The following NETO1 variants were observed in gnomAD, a reference collection of about 807,000 sequenced individuals.
NETO1 encodes the protein neuropilin and tolloid like 1, also known as neuropilin and tolloid-like protein 1.
A neutral mutation model predicts 61.3 loss-of-function variants in NETO1; 26 were observed. That is an observed-to-expected ratio of 0.42 (90% CI 0.31 to 0.59). The LOEUF is 0.59. Ranked by LOEUF, NETO1 falls within the 20% of genes least tolerant of loss-of-function variation. The pLI, the probability that NETO1 is intolerant of heterozygous loss-of-function variation, is 0.12. For synonymous variants in NETO1, 225 were observed against 225.8 expected (o/e 1.00, Z 0.03); for missense variants, 531 against 662.8 (o/e 0.80, Z 2.18).
intron 4 of NETO1, among the ~76,000 whole-genome samples, chr18:72,806,525 G>A (rs939658857): frequency 6.6e-6 from 1 of 151,950 alleles, no homozygotes; most frequent in Non-Finnish European, 1.5e-5. Context: ...TCTCTAAATC[G>A]AATTCTCTAC....
chr18:72,832,080 T>C (rs1356951223), intron 4 of NETO1, among the ~76,000 whole-genome samples: 1 of 152,212 alleles, frequency 6.6e-6, no homozygotes, highest in Non-Finnish European at 1.5e-5. Flanking sequence ...GTGTCTGATT[T>C]TCAATTATTT....
At chr18:72,847,367 A>G (rs2074120140) in intron 4 of NETO1, among the ~76,000 whole-genome samples, 1 of 152,234 alleles carries the variant, frequency 6.6e-6, no homozygotes, top group African/African-American at 2.4e-5. Flanking sequence ...CTGAATTTCA[A>G]GCAAGTCAGC....
intron 4 of NETO1, among the ~76,000 whole-genome samples, chr18:72,855,087 A>C (rs1257193482): frequency 1.3e-5 from 2 of 152,194 alleles, no homozygotes; most frequent in African/African-American, 4.8e-5. Context: ...TATGTCTTCT[A>C]TTTTTTATTA....
intron 4 of NETO1, among the ~76,000 whole-genome samples, chr18:72,824,307 T>C (rs942455017): frequency 6.6e-6 from 1 of 152,232 alleles, no homozygotes; most frequent in Non-Finnish European, 1.5e-5. Flanking sequence ...ACTTCATTTC[T>C]AGTCTCCTTT....
At chr18:72,767,868 T>C (rs915766682) in intron 7 of NETO1, among the ~76,000 whole-genome samples, 3 of 152,206 alleles carry the variant, frequency 2.0e-5, no homozygotes, top group South Asian at 2.1e-4. Flanking sequence ...AAGTGTTAAC[T>C]ACCCAAGTTT....
chr18:72,783,914 A>G lies in NETO1; in HGVS notation c.640-8T>C, dbSNP rs375706578. 1.2e-5 allele frequency: 19 copies of G among 1,587,238 alleles called. No individual in the cohort carries two copies. In the East Asian group the frequency reaches 2.7e-4, roughly 22 times the overall value. ...CAAGAATCGTAAGTAAATCTATAAA[A>G]CAAAAATAAAATAATTTCCACATAT... On this transcript the variant is annotated splice_polypyrimidine_tract_variant and splice_region_variant and intron_variant, in intron 6 of 10. Transcript: ENST00000327305.
intron 7 of NETO1, among the ~76,000 whole-genome samples, chr18:72,780,854 A>G (rs1327920829): frequency 2.6e-5 from 4 of 152,180 alleles, no homozygotes; most frequent in South Asian, 2.1e-4. Flanking sequence ...AGCCTCTTCT[A>G]GGTGGTTACT....
At chr18:72,780,683 AT>A (rs1330948867) in intron 7 of NETO1, among the ~76,000 whole-genome samples, 3 of 152,128 alleles carry the variant, frequency 2.0e-5, no homozygotes, top group Non-Finnish European at 4.4e-5. Flanking sequence ...CAAGATGAAC[AT>A]TTTTCCCCCT....
chr18:72,867,202 C>T, intron 1 of NETO1, 62 bp downstream of exon 1: 1 of 1,337,354 alleles, frequency 7.5e-7, no homozygotes, highest in Admixed American at 2.3e-5. Flanking sequence ...GCGTTCGGCC[C>T]CGGGAAAGGG....
At chr18:72,808,345 G>A (rs1031360950) in intron 4 of NETO1, among the ~76,000 whole-genome samples, 6 of 152,052 alleles carry the variant, frequency 3.9e-5, no homozygotes, top group South Asian at 2.1e-4. Context: ...GCTTACAAGC[G>A]TGACATAGGT....
At chr18:72,800,192 G>T (rs757042734) in intron 4 of NETO1, among the ~76,000 whole-genome samples, 1 of 152,218 alleles carries the variant, frequency 6.6e-6, no homozygotes, top group Non-Finnish European at 1.5e-5. Flanking sequence ...ACCCATTTGT[G>T]AATAAGCCAG....
At chr18:72,847,716 T>C (rs1316368282) in intron 4 of NETO1, among the ~76,000 whole-genome samples, 1 of 152,256 alleles carries the variant, frequency 6.6e-6, no homozygotes. Context: ...GAGAACTGTG[T>C]ATCCTGCATT....
intron 1 of NETO1, chr18:72,866,830 G>A: frequency 1.0e-6 from 1 of 1,000,906 alleles, no homozygotes; most frequent in Middle Eastern, 4.9e-4. Context: ...CTTCAGGTGT[G>A]CCTTCTGCTA....
rs1261561114 is a variant in NETO1 at position 72,789,834 on chromosome 18, C to T, written c.639+4283G>A. On this transcript the variant is annotated intron_variant, in intron 6 of 10. Coordinates refer to ENST00000327305, the MANE Select transcript of NETO1 (RefSeq NM_138966.5). Reference sequence around the variant, plus strand: ...GAATCTGCTCCACTTTTAAAGGGCTCGTGTGCTTAGATTACGCTCACCTGG... The same window carrying T: ...GAATCTGCTCCACTTTTAAAGGGCTTGTGTGCTTAGATTACGCTCACCTGG... Among the ~76,000 whole-genome samples the T allele has an allele frequency of 2.0e-5, 3 of 152,130 alleles. No individual in the cohort carries two copies. In the East Asian group the frequency reaches 5.8e-4, roughly 29 times the overall value.
intron 7 of NETO1, among the ~76,000 whole-genome samples, chr18:72,779,884 G>A (rs1462140812): frequency 2.0e-5 from 3 of 152,178 alleles, no homozygotes; most frequent in Non-Finnish European, 4.4e-5. Flanking sequence ...TCAAGGTGCT[G>A]GCAGATTTGG....
intron 4 of NETO1, among the ~76,000 whole-genome samples, chr18:72,842,986 A>G (rs2073980841): frequency 6.6e-6 from 1 of 152,198 alleles, no homozygotes; most frequent in East Asian, 1.9e-4. Flanking sequence ...CTGCCTCATT[A>G]TACCATTATT....
At chr18:72,864,680 A>C in intron 3 of NETO1, 128 bp downstream of exon 3, 3 of 1,196,480 alleles carry the variant, frequency 2.5e-6, no homozygotes, top group Non-Finnish European at 3.6e-6. Flanking sequence ...GATTCACTCA[A>C]GAGATATTTT....
chr18:72,857,204 T>A (rs1472879296), intron 4 of NETO1, among the ~76,000 whole-genome samples: 1 of 152,234 alleles, frequency 6.6e-6, no homozygotes, highest in East Asian at 1.9e-4. Flanking sequence ...AGCCCATCCT[T>A]AACCTGTCCT....
At chr18:72,743,182 A>G (rs928541338), downstream of NETO1, among the ~76,000 whole-genome samples, 7 of 152,238 alleles carry the variant, frequency 4.6e-5, no homozygotes, top group African/African-American at 1.4e-4. Flanking sequence ...TCATGATGTA[A>G]ACTCAAACCT....
Sources: allele counts gnomAD v4.1 joint callset (sites outside exome capture counted in the v4.1 genomes callset), GRCh38; gene constraint gnomAD v4.1.1; transcripts MANE v1.5; gene names NCBI Gene and HGNC (gene_info 2026-07-23, HGNC 2026-07-21).